ATF6: variants seen among roughly 807,000 people sequenced by gnomAD.
The protein encoded by ATF6 is cyclic AMP-dependent transcription factor ATF-6 alpha.
In ATF6, 53 loss-of-function variants were observed where a neutral mutation model predicts 83.6. That is an observed-to-expected ratio of 0.63 (90% CI 0.51 to 0.80). The LOEUF is 0.80. Among genes scored for constraint, ATF6 ranks in the 30% least tolerant of loss-of-function variants. The pLI is 0.00. For missense variants in ATF6, 744 were observed against 797.9 expected (o/e 0.93, Z 0.81); for synonymous variants, 288 against 285.8 (o/e 1.01, Z -0.08).
intron 14 of ATF6, chr1:161,891,794 A>G (rs943841473): frequency 6.6e-6 from 1 of 152,278 alleles, no homozygotes; most frequent in African/African-American, 2.4e-5. Context: ...GTGTGTTACC[A>G]TTTAGAATTT....
rs1030960350 is a variant in ATF6, at chr1:161,963,590, A to C, written c.*4936A>C. 2 of 152,212 alleles carry C rather than the reference A, an allele frequency of 1.3e-5. No homozygotes were observed. Among genetic ancestry groups the C allele is most frequent in the Non-Finnish European group, 2.9e-5 (2 of 68,036 alleles). 9.4% of individuals were successfully genotyped at this position (152,212 alleles called of 1,614,324 possible). A position where few individuals can be genotyped will look rare whatever the true frequency, so the allele number is the denominator to read the frequency against. ...CCAGGAGGCTTGGCATATCCCCTTT[A>C]TGTTAATCCCAGCTAGAGATTAGTA... On this transcript the variant is annotated 3_prime_UTR_variant, in exon 16 of 16. Transcript: ENST00000367942.
intron 14 of ATF6, among the ~76,000 whole-genome samples, chr1:161,895,664 A>G (rs181355605): frequency 1.2e-4 from 19 of 152,312 alleles, no homozygotes; most frequent in African/African-American, 4.1e-4. Flanking sequence ...ATGTCTAGAT[A>G]TTTAGAATAG....
At chr1:161,864,415 A>G (rs899103273) in intron 14 of ATF6, among the ~76,000 whole-genome samples, 15 of 152,162 alleles carry the variant, frequency 9.9e-5, no homozygotes, top group African/African-American at 3.4e-4. Flanking sequence ...TCCTCCACAT[A>G]TACAGAGGGA....
chr1:161,938,744 C>T (rs1321480279), intron 15 of ATF6, among the ~76,000 whole-genome samples: 1 of 152,172 alleles, frequency 6.6e-6, no homozygotes, highest in Non-Finnish European at 1.5e-5. Flanking sequence ...GCTGCCATTC[C>T]TTTAAGAAGG....
chr1:161,887,455 C>T (rs1687450395), intron 14 of ATF6, among the ~76,000 whole-genome samples: 1 of 152,116 alleles, frequency 6.6e-6, no homozygotes, highest in Non-Finnish European at 1.5e-5. Flanking sequence ...AATGTAAGAT[C>T]CATTGCAACC....
At chr1:161,806,277 G>A (rs956641944) in intron 7 of ATF6, among the ~76,000 whole-genome samples, 2 of 152,142 alleles carry the variant, frequency 1.3e-5, no homozygotes, top group South Asian at 4.1e-4. Flanking sequence ...ATCAAACCAA[G>A]GGCTTAAAAA....
intron 15 of ATF6, among the ~76,000 whole-genome samples, chr1:161,918,479 C>G (rs17416633): frequency 6.6e-6 from 1 of 152,050 alleles, no homozygotes; most frequent in Admixed American, 6.6e-5. Context: ...TTCTTCAAGA[C>G]CCAGAGATAA....
At chr1:161,881,366 C>T (rs1415472389) in intron 14 of ATF6, among the ~76,000 whole-genome samples, 2 of 152,070 alleles carry the variant, frequency 1.3e-5, no homozygotes, top group African/African-American at 4.8e-5. Context: ...CGTGGGATGC[C>T]GAACTAAGGG....
At chr1:161,801,521 C>G (rs532916818) in intron 6 of ATF6, among the ~76,000 whole-genome samples, 21 of 152,130 alleles carry the variant, frequency 1.4e-4, no homozygotes, top group African/African-American at 5.1e-4. Flanking sequence ...TCTCAAACTG[C>G]TGGCCTCCCA....
Position 161,944,982 on chromosome 1 carries a change from T to A in ATF6, c.1805-13464T>A, listed in dbSNP as rs144308129. 4.0e-3 allele frequency among the ~76,000 whole-genome samples: 612 copies of A among 152,364 alleles called. 4 individuals are homozygous for A. Among genetic ancestry groups the A allele is most frequent in the African/African-American group, 0.014 (597 of 41,586 alleles). On this transcript the variant is annotated intron_variant, in intron 15 of 15. Coordinates refer to ENST00000367942, the MANE Select transcript of ATF6 (RefSeq NM_007348.4). ...GTTTGGCATTGTATCTCATCCTGGT[T>A]CATTTCTTCATTAAAAATTCCCTCT...
At chr1:161,845,460 A>G (rs1336754935) in intron 9 of ATF6, among the ~76,000 whole-genome samples, 1 of 152,200 alleles carries the variant, frequency 6.6e-6, no homozygotes, top group African/African-American at 2.4e-5. Flanking sequence ...CCTAAGCACT[A>G]TTAATGAGTT....
chr1:161,933,719 C>A (rs916896155), intron 15 of ATF6, among the ~76,000 whole-genome samples: 1 of 152,234 alleles, frequency 6.6e-6, no homozygotes, highest in African/African-American at 2.4e-5. Context: ...AGTCTGCACT[C>A]CTAATTTTGG....
At chr1:161,869,250 T>G (rs1687073604) in intron 14 of ATF6, among the ~76,000 whole-genome samples, 1 of 152,054 alleles carries the variant, frequency 6.6e-6, no homozygotes, top group African/African-American at 2.4e-5. Context: ...TGCCTGTTAT[T>G]TATTTCTTAG....
chr1:161,912,025 A>G (rs1688001492), intron 14 of ATF6, among the ~76,000 whole-genome samples: 1 of 152,186 alleles, frequency 6.6e-6, no homozygotes, highest in African/African-American at 2.4e-5. Flanking sequence ...TATTCTTTAT[A>G]GTGGTGCTAC....
intron 8 of ATF6, among the ~76,000 whole-genome samples, chr1:161,820,147 T>TAAA (rs1557977977): frequency 7.9e-5 from 12 of 151,948 alleles, no homozygotes; most frequent in Admixed American, 3.9e-4. Flanking sequence ...AAGAAAACAA[T>TAAA]ATAAAAGTGT....
intron 15 of ATF6, among the ~76,000 whole-genome samples, chr1:161,921,186 G>A (rs978387972): frequency 2.0e-5 from 3 of 152,164 alleles, no homozygotes; most frequent in Admixed American, 2.0e-4. Flanking sequence ...TGCTAAATTG[G>A]AATTGAGCAA....
intron 7 of ATF6, among the ~76,000 whole-genome samples, chr1:161,817,812 T>A (rs2101780217): frequency 6.6e-6 from 1 of 152,100 alleles, no homozygotes; most frequent in Non-Finnish European, 1.5e-5. Flanking sequence ...AAGAAATAGA[T>A]TACAGGCTGG....
At chr1:161,900,908 A>G (rs1325023632) in intron 14 of ATF6, among the ~76,000 whole-genome samples, 2 of 152,100 alleles carry the variant, frequency 1.3e-5, no homozygotes, top group Non-Finnish European at 2.9e-5. Flanking sequence ...CAAATATAGG[A>G]TAGTACATGT....
intron 14 of ATF6, chr1:161,892,338 A>G (rs1687573238): frequency 1.3e-5 from 2 of 152,228 alleles, no homozygotes; most frequent in African/African-American, 4.8e-5. Context: ...ATGTATTTTA[A>G]TTATTCTAAA....
Sources: gnomAD v4.1 joint callset for allele counts (sites outside exome capture counted in the v4.1 genomes callset) on GRCh38, gnomAD v4.1.1 for gene constraint, MANE v1.5 for transcripts, NCBI Gene and HGNC (gene_info 2026-07-23, HGNC 2026-07-21) for gene names.